ARHGAP15: variants seen among roughly 807,000 people sequenced by gnomAD.
ARHGAP15 encodes rho GTPase-activating protein 15.
ARHGAP15 carries 51 observed loss-of-function variants against 63.7 expected under a neutral mutation model. The observed-to-expected ratio is 0.80, with a 90% confidence interval of 0.64 to 1.01. ARHGAP15 has a LOEUF of 1.01. Among genes scored for constraint, ARHGAP15 ranks in the 50% least tolerant of loss-of-function variants. The pLI is 0.00. For synonymous variants in ARHGAP15, 191 were observed against 193.8 expected (o/e 0.99, Z 0.12); for missense variants, 560 against 564.6 (o/e 0.99, Z 0.08).
At chr2:143,558,463 A>G (rs1459222299) in intron 11 of ARHGAP15, among the ~76,000 whole-genome samples, 3 of 152,160 alleles carry the variant, frequency 2.0e-5, no homozygotes, top group African/African-American at 7.2e-5. Flanking sequence ...AATTCCATCT[A>G]TTATAAGACC....
At chr2:143,373,649 A>AAAAAAAAAAAAAAAAC in intron 6 of ARHGAP15, among the ~76,000 whole-genome samples, 2 of 127,800 alleles carry the variant, frequency 1.6e-5, no homozygotes, top group Non-Finnish European at 3.4e-5. Flanking sequence ...AAAAAAAAAA[A>AAAAAAAAAAAAAAAAC]AAAAAAAAAA....
chr2:143,270,057 C>T (rs1681196636), intron 6 of ARHGAP15, among the ~76,000 whole-genome samples: 1 of 151,814 alleles, frequency 6.6e-6, no homozygotes, highest in African/African-American at 2.4e-5. Context: ...ACTGCAACCT[C>T]CACCTCTCGG....
At chr2:143,493,067 C>CA (rs201675531) in intron 9 of ARHGAP15, among the ~76,000 whole-genome samples, 1,960 of 128,904 alleles carry the variant, frequency 0.015, 34 homozygotes, top group African/African-American at 0.049. Flanking sequence ...CAAAAAAAAA[C>CA]AAAAAAAACC....
chr2:143,482,945 A>G (rs559324955), intron 8 of ARHGAP15, among the ~76,000 whole-genome samples: 1 of 152,362 alleles, frequency 6.6e-6, no homozygotes, highest in East Asian at 1.9e-4. Flanking sequence ...TCTGAGGACA[A>G]TTATTTACGG....
chr2:143,482,710 A>G (rs1296913901), intron 8 of ARHGAP15, among the ~76,000 whole-genome samples: 1 of 152,236 alleles, frequency 6.6e-6, no homozygotes, highest in Admixed American at 6.5e-5. Context: ...CACGATATTC[A>G]AAGACTTTTA....
chr2:143,389,068 G>A (rs1687425938), intron 6 of ARHGAP15, among the ~76,000 whole-genome samples: 1 of 147,660 alleles, frequency 6.8e-6, no homozygotes, highest in Non-Finnish European at 1.5e-5. Flanking sequence ...TTTAAAAGGA[G>A]TAGCTTAATA....
intron 11 of ARHGAP15, among the ~76,000 whole-genome samples, chr2:143,615,569 C>G (rs1027495406): frequency 6.6e-6 from 1 of 152,054 alleles, no homozygotes; most frequent in African/African-American, 2.4e-5. Flanking sequence ...TGTTAAGTAA[C>G]TTCTATATAT....
intron 6 of ARHGAP15, among the ~76,000 whole-genome samples, chr2:143,415,773 A>G (rs528947085): frequency 2.1e-3 from 320 of 152,354 alleles, no homozygotes; most frequent in Middle Eastern, 6.8e-3. Flanking sequence ...GTATATATAT[A>G]CAATGGAATA....
chr2:143,748,355 T>C (rs1014436468), intron 13 of ARHGAP15, among the ~76,000 whole-genome samples: 2 of 152,184 alleles, frequency 1.3e-5, no homozygotes, highest in Admixed American at 1.3e-4. Context: ...GTCTTTGTTT[T>C]TGATGTCAAA....
intron 11 of ARHGAP15, among the ~76,000 whole-genome samples, chr2:143,575,175 T>G (rs1204896867): frequency 6.6e-6 from 1 of 152,192 alleles, no homozygotes; most frequent in African/African-American, 2.4e-5. Flanking sequence ...TATGTGTAAG[T>G]ACTTGTGTGT....
intron 11 of ARHGAP15, among the ~76,000 whole-genome samples, chr2:143,577,778 C>T (rs756951254): frequency 4.6e-5 from 7 of 152,130 alleles, no homozygotes; most frequent in Non-Finnish European, 1.0e-4. Context: ...AGGTAACAAG[C>T]CCCCTACATG....
intron 6 of ARHGAP15, among the ~76,000 whole-genome samples, chr2:143,381,173 C>A (rs529413762): frequency 6.6e-6 from 1 of 152,190 alleles, no homozygotes; most frequent in African/African-American, 2.4e-5. Context: ...CATTCAAATT[C>A]TCTTTTTGCT....
At chr2:143,412,279 A>G (rs1007238543) in intron 6 of ARHGAP15, among the ~76,000 whole-genome samples, 2 of 152,256 alleles carry the variant, frequency 1.3e-5, no homozygotes, top group South Asian at 4.1e-4. Context: ...TAAGAACAAA[A>G]CGGAAATGGA....
intron 11 of ARHGAP15, among the ~76,000 whole-genome samples, chr2:143,616,659 C>A (rs1304225244): frequency 6.6e-6 from 1 of 152,150 alleles, no homozygotes; most frequent in Non-Finnish European, 1.5e-5. Flanking sequence ...CCACAGAAAA[C>A]CAGGTTTTAT....
At chr2:143,501,360 G>A (rs1413535929) in intron 9 of ARHGAP15, among the ~76,000 whole-genome samples, 2 of 152,168 alleles carry the variant, frequency 1.3e-5, no homozygotes, top group Non-Finnish European at 2.9e-5. Flanking sequence ...TCTTAAAAAA[G>A]TAATTAGCAT....
chr2:143,354,781 A>G (rs1416395889), intron 6 of ARHGAP15, among the ~76,000 whole-genome samples: 3 of 152,190 alleles, frequency 2.0e-5, no homozygotes, highest in Admixed American at 2.0e-4. Flanking sequence ...CAAAACATTA[A>G]TTTCAAAGAT....
Position 143,653,194 on chromosome 2 carries a change from T to C in ARHGAP15, c.1138+28927T>C, listed in dbSNP as rs987152102. On this transcript the variant is annotated intron_variant, in intron 12 of 13. Coordinates refer to ENST00000295095, the MANE Select transcript of ARHGAP15 (RefSeq NM_018460.4). ...CAACTACATTGATAGATTTTTAAAA[T>C]GCTAAATCAAAACTACATTCCCAGT... Among the ~76,000 whole-genome samples the C allele has an allele frequency of 2.0e-5, 3 of 152,266 alleles. No homozygotes were observed. The East Asian group carries it at 5.8e-4, about 29-fold the overall frequency.
At chr2:143,353,675 G>A (rs942483275) in intron 6 of ARHGAP15, among the ~76,000 whole-genome samples, 4 of 151,988 alleles carry the variant, frequency 2.6e-5, no homozygotes, top group African/African-American at 4.8e-5. Context: ...CTCATTCCAG[G>A]GTTCTAAAAT....
intron 12 of ARHGAP15, among the ~76,000 whole-genome samples, chr2:143,651,621 T>C (rs1335414664): frequency 6.6e-6 from 1 of 152,044 alleles, no homozygotes; most frequent in Non-Finnish European, 1.5e-5. Context: ...ATGGTAGATG[T>C]ATATTTAACT....
Sources: allele counts gnomAD v4.1 joint callset (sites outside exome capture counted in the v4.1 genomes callset), GRCh38; gene constraint gnomAD v4.1.1; transcripts MANE v1.5; gene names NCBI Gene and HGNC (gene_info 2026-07-23, HGNC 2026-07-21).